The following ENTPD1 variants were observed in gnomAD, a reference collection of about 807,000 sequenced individuals.
ENTPD1 encodes ATP diphosphohydrolase.
In ENTPD1, 33 loss-of-function variants were observed where a neutral mutation model predicts 57.0. That is an observed-to-expected ratio of 0.58 (90% CI 0.44 to 0.77). ENTPD1 has a LOEUF of 0.77. ENTPD1 is among the 30% of genes least tolerant of loss of function. The pLI is 0.00. For missense variants in ENTPD1, 501 were observed against 603.4 expected (o/e 0.83, Z 1.78); for synonymous variants, 202 against 218.8 (o/e 0.92, Z 0.68).
rs1040988377 is a variant in ENTPD1 at position 95,870,204 on chromosome 10, T to C, written c.*3821T>C. 2.0e-6 allele frequency: 2 copies of C among 985,348 alleles called. No homozygotes were observed. Among genetic ancestry groups the C allele is most frequent in the Non-Finnish European group, 2.4e-6 (2 of 829,940 alleles). The allele number at this position is 985,348 out of a possible 1,614,324, so 61.0% of individuals were successfully genotyped here. On this transcript the variant is annotated 3_prime_UTR_variant, in exon 10 of 10. Transcript: ENST00000371205. The stretch of plus-strand genomic sequence containing the variant: ...AGTCCAAGATGCATGACAAGAGACC[T>C]TGGGAAAGTTTCATCTGGATTTAAA...
At chr10:95,780,336 T>C (rs993526142) in intron 1 of ENTPD1, among the ~76,000 whole-genome samples, 1 of 152,184 alleles carries the variant, frequency 6.6e-6, no homozygotes, top group Non-Finnish European at 1.5e-5. Context: ...ATGAATCTTA[T>C]GTATATTTGT....
chr10:95,838,525 G>A (rs933427547), intron 2 of ENTPD1, among the ~76,000 whole-genome samples: 8 of 152,204 alleles, frequency 5.3e-5, no homozygotes, highest in African/African-American at 1.9e-4. Flanking sequence ...CTTACATAGT[G>A]TAAAGTGAAA....
intron 1 of ENTPD1, among the ~76,000 whole-genome samples, chr10:95,728,488 C>A (rs1473849387): frequency 6.6e-6 from 1 of 152,148 alleles, no homozygotes; most frequent in African/African-American, 2.4e-5. Flanking sequence ...TCAAGCAATT[C>A]ATCTTTTTCT....
chr10:95,778,678 T>TTTCC (rs2098143744), intron 1 of ENTPD1, among the ~76,000 whole-genome samples: 3 of 152,190 alleles, frequency 2.0e-5, no homozygotes, highest in Admixed American at 2.0e-4. Flanking sequence ...TTGTTTTTAT[T>TTTCC]TTCTGATAGT....
chr10:95,744,648 G>A (rs1449104130), intron 1 of ENTPD1, among the ~76,000 whole-genome samples: 1 of 150,698 alleles, frequency 6.6e-6, no homozygotes, highest in African/African-American at 2.4e-5. Context: ...GACTAGGTCA[G>A]CACCCTTTTC....
intron 1 of ENTPD1, among the ~76,000 whole-genome samples, chr10:95,759,642 ATAT>A (rs1181960367): frequency 2.6e-5 from 4 of 152,274 alleles, no homozygotes; most frequent in Non-Finnish European, 5.9e-5. Flanking sequence ...ATTTTGACAA[ATAT>A]TATTGTGTGT....
chr10:95,809,424 C>A (rs2098288835), intron 1 of ENTPD1, among the ~76,000 whole-genome samples: 1 of 147,520 alleles, frequency 6.8e-6, no homozygotes, highest in Admixed American at 6.7e-5. Context: ...CAGAGGCGTC[C>A]CCCACCTCCC....
rs574653679 is a variant in ENTPD1 at position 95,876,456 on chromosome 10, A to G, written c.*10073A>G. On this transcript the variant is annotated 3_prime_UTR_variant, in exon 10 of 10. Coordinates refer to ENST00000371205, the MANE Select transcript of ENTPD1 (RefSeq NM_001776.6). ...AATCTATAGGCATACCATAATTGTA[A>G]TCAATAGCTTAAAAATATGTCTCTC... 54 of 1,231,466 alleles carry G rather than the reference A, an allele frequency of 4.4e-5. No homozygotes were observed. The South Asian group carries it at 1.8e-3, about 40-fold the overall frequency. 76.3% of individuals were successfully genotyped at this position (1,231,466 alleles called of 1,614,324 possible).
In ENTPD1 at chr10:95,871,682, AAATT is replaced by A. The variant is rs2098480621; in HGVS notation, c.*5302_*5305del. On this transcript the variant is annotated 3_prime_UTR_variant, in exon 10 of 10. Coordinates refer to ENST00000371205, the MANE Select transcript of ENTPD1 (RefSeq NM_001776.6). ...TCTTTTGCATTGCTCTATTTTACAT[AAATT>A]AAGTTATAAATTGACACTATAATCA... 2.0e-6 allele frequency: 2 copies of A among 985,278 alleles called. No homozygotes were observed. Among genetic ancestry groups the A allele is most frequent in the Non-Finnish European group, 2.4e-6 (2 of 829,906 alleles). 61.0% of individuals were successfully genotyped at this position (985,278 alleles called of 1,614,324 possible).
the ENTPD1 span, among the ~76,000 whole-genome samples, chr10:95,706,084 G>C: frequency 6.6e-6 from 1 of 152,218 alleles, no homozygotes; most frequent in African/African-American, 2.4e-5. Flanking sequence ...GGGTGAGTGA[G>C]TGAGACCTTG....
upstream of ENTPD1, among the ~76,000 whole-genome samples, chr10:95,710,915 C>T (rs1465650383): frequency 6.6e-6 from 1 of 152,108 alleles, no homozygotes; most frequent in Non-Finnish European, 1.5e-5. Context: ...GATGACATTG[C>T]CCAGCCTCTT....
chr10:95,776,015 T>C (rs2098132531), intron 1 of ENTPD1, among the ~76,000 whole-genome samples: 1 of 152,174 alleles, frequency 6.6e-6, no homozygotes, highest in Non-Finnish European at 1.5e-5. Context: ...CATCCATTTA[T>C]TTTGAGCCTA....
At chr10:95,829,999 C>T (rs1221854235) in intron 2 of ENTPD1, among the ~76,000 whole-genome samples, 4 of 152,054 alleles carry the variant, frequency 2.6e-5, no homozygotes, top group Admixed American at 2.0e-4. Flanking sequence ...TGTGCCACCT[C>T]GGGACTCTGC....
At chr10:95,834,016 G>A (rs2098403536) in intron 2 of ENTPD1, among the ~76,000 whole-genome samples, 1 of 152,238 alleles carries the variant, frequency 6.6e-6, no homozygotes, top group Admixed American at 6.5e-5. Flanking sequence ...GGGGAAAACA[G>A]TCAAACCACA....
intron 1 of ENTPD1, among the ~76,000 whole-genome samples, chr10:95,723,319 GTC>G (rs1275797386): frequency 1.3e-5 from 2 of 151,244 alleles, no homozygotes; most frequent in Non-Finnish European, 2.9e-5. Context: ...TCTCCCCTCT[GTC>G]TCTCTCTTTC....
At chr10:95,724,097 G>A (rs574217987) in intron 1 of ENTPD1, among the ~76,000 whole-genome samples, 10 of 146,084 alleles carry the variant, frequency 6.8e-5, no homozygotes, top group African/African-American at 2.6e-4. Flanking sequence ...AGGAGGTGGA[G>A]CTTGCAGTGA....
intron 1 of ENTPD1, among the ~76,000 whole-genome samples, chr10:95,800,064 C>T (rs559607963): frequency 6.6e-5 from 10 of 152,152 alleles, no homozygotes; most frequent in African/African-American, 2.4e-4. Flanking sequence ...AAATTTTCTC[C>T]CATTCTGTAG....
At chr10:95,861,641 A>G (rs1356970960) in intron 8 of ENTPD1, 1 of 152,154 alleles carries the variant, frequency 6.6e-6, no homozygotes, top group African/African-American at 2.4e-5. Flanking sequence ...CAAAATGCTT[A>G]GCGGTGGTTT....
chr10:95,859,688 T>G (rs2098461925), intron 7 of ENTPD1, among the ~76,000 whole-genome samples: 1 of 152,202 alleles, frequency 6.6e-6, no homozygotes, highest in East Asian at 1.9e-4. Flanking sequence ...CCCTTTAAAT[T>G]ATGCTCTATT....
Sources: allele counts gnomAD v4.1 joint callset (sites outside exome capture counted in the v4.1 genomes callset), GRCh38; gene constraint gnomAD v4.1.1; transcripts MANE v1.5; gene names NCBI Gene and HGNC (gene_info 2026-07-23, HGNC 2026-07-21).